CSTPP1: variants seen among roughly 807,000 people sequenced by gnomAD.
CSTPP1 encodes UPF0705 protein C11orf49.
At chr11:47,122,091 AATATAT>A in the CSTPP1 span, among the ~76,000 whole-genome samples, 20 of 31,840 alleles carry the variant, frequency 6.3e-4, no homozygotes, top group South Asian at 1.9e-3. Context: ...AAAAAAAAAA[AATATAT>A]ATATATATAT....
the CSTPP1 span, among the ~76,000 whole-genome samples, chr11:47,162,553 T>C: frequency 6.6e-6 from 1 of 152,134 alleles, no homozygotes; most frequent in South Asian, 2.1e-4. Context: ...TCAGTCAACA[T>C]TTGCCAAGCA....
At chr11:46,977,916 A>G in the CSTPP1 span, among the ~76,000 whole-genome samples, 19 of 152,190 alleles carry the variant, frequency 1.2e-4, no homozygotes, top group African/African-American at 4.3e-4. Flanking sequence ...AGGCAACAGA[A>G]AGAGTAGTTG....
the CSTPP1 span, among the ~76,000 whole-genome samples, chr11:47,158,832 G>A: frequency 6.6e-6 from 1 of 152,208 alleles, no homozygotes; most frequent in African/African-American, 2.4e-5. Context: ...ACTACGCCCA[G>A]CAAGGAGTTC....
chr11:47,155,618 G>A, the CSTPP1 span: 1 of 275,852 alleles, frequency 3.6e-6, no homozygotes, highest in Middle Eastern at 1.2e-3. Flanking sequence ...CTTTAATCTT[G>A]ACAACAGCCT....
At chr11:47,110,890 C>CTTTTTT in the CSTPP1 span, among the ~76,000 whole-genome samples, 63 of 125,466 alleles carry the variant, frequency 5.0e-4, 2 homozygotes, top group Middle Eastern at 4.2e-3. Flanking sequence ...GAGAACACAT[C>CTTTTTT]TTTTTTTTTT....
chr11:47,102,631 C>CT, the CSTPP1 span, among the ~76,000 whole-genome samples: 1 of 152,058 alleles, frequency 6.6e-6, no homozygotes, highest in Non-Finnish European at 1.5e-5. Flanking sequence ...GAAAAAAAGA[C>CT]TGAGAAACTT....
the CSTPP1 span, among the ~76,000 whole-genome samples, chr11:47,111,942 A>G: frequency 3.9e-5 from 6 of 152,204 alleles, no homozygotes; most frequent in African/African-American, 1.4e-4. Flanking sequence ...GGCCATATAC[A>G]TGAACTGGCC....
chr11:46,988,210 G>A, the CSTPP1 span, among the ~76,000 whole-genome samples: 4 of 152,030 alleles, frequency 2.6e-5, no homozygotes, highest in Admixed American at 2.6e-4. Flanking sequence ...TCAACTGCTG[G>A]GTATATACCC....
At chr11:47,154,968 A>G in the CSTPP1 span, 5 of 599,648 alleles carry the variant, frequency 8.3e-6, no homozygotes, top group South Asian at 2.0e-5. Flanking sequence ...GCAGAGTCCA[A>G]TTGATGGAGC....
chr11:47,142,199 C>T, the CSTPP1 span, among the ~76,000 whole-genome samples: 3 of 149,220 alleles, frequency 2.0e-5, no homozygotes, highest in South Asian at 2.1e-4. Context: ...GCCGAGATCG[C>T]GCCACTGCAC....
At chr11:47,061,893 A>T in the CSTPP1 span, among the ~76,000 whole-genome samples, 1 of 151,738 alleles carries the variant, frequency 6.6e-6, no homozygotes, top group South Asian at 2.1e-4. Context: ...ACCTCCAATA[A>T]CTTTAATCTT....
At chr11:46,992,304 A>G in the CSTPP1 span, among the ~76,000 whole-genome samples, 1 of 151,736 alleles carries the variant, frequency 6.6e-6, no homozygotes, top group Non-Finnish European at 1.5e-5. Context: ...TTTGTTACAT[A>G]TGTATACATG....
At chr11:47,159,188 G>A in the CSTPP1 span, among the ~76,000 whole-genome samples, 1 of 152,138 alleles carries the variant, frequency 6.6e-6, no homozygotes, top group African/African-American at 2.4e-5. Context: ...GGTAGCCAAG[G>A]TTACCCACTG....
the CSTPP1 span, among the ~76,000 whole-genome samples, chr11:47,154,693 A>C: frequency 6.6e-6 from 1 of 151,998 alleles, no homozygotes; most frequent in African/African-American, 2.4e-5. Flanking sequence ...TAGCTTATTA[A>C]ATCTCAGTAC....
the CSTPP1 span, among the ~76,000 whole-genome samples, chr11:47,031,324 T>A: frequency 2.0e-5 from 3 of 152,208 alleles, no homozygotes; most frequent in African/African-American, 7.2e-5. Context: ...TTAACATGTT[T>A]ACAAATGTCT....
the CSTPP1 span, among the ~76,000 whole-genome samples, chr11:47,079,140 G>A: frequency 6.6e-6 from 1 of 152,120 alleles, no homozygotes; most frequent in Admixed American, 6.5e-5. Flanking sequence ...GTCATTCGGA[G>A]GTCTTGTGGG....
chr11:47,161,215 GC>G, the CSTPP1 span: 1 of 1,614,154 alleles, frequency 6.2e-7, no homozygotes, highest in Non-Finnish European at 8.5e-7. Context: ...GGAGGATACT[GC>G]CCCCTTGTGG....
the CSTPP1 span, among the ~76,000 whole-genome samples, chr11:47,098,397 G>A: frequency 6.6e-6 from 1 of 151,884 alleles, no homozygotes; most frequent in Admixed American, 6.6e-5. Flanking sequence ...ACTCTGGGGA[G>A]AAGGCCTCTT....
chr11:47,164,261 G>A, the CSTPP1 span: 1 of 1,610,076 alleles, frequency 6.2e-7, no homozygotes, highest in East Asian at 2.2e-5. Context: ...GAGGCCAGGG[G>A]CCGGCACTGG....
Sources: allele counts gnomAD v4.1 joint callset (sites outside exome capture counted in the v4.1 genomes callset), GRCh38; gene constraint gnomAD v4.1.1; transcripts MANE v1.5; gene names NCBI Gene and HGNC (gene_info 2026-07-23, HGNC 2026-07-21).